ESCO2: variants seen among roughly 807,000 people sequenced by gnomAD.
The protein encoded by ESCO2 is N-acetyltransferase ESCO2.
Under a neutral mutation model 61.7 loss-of-function variants are expected in ESCO2, and 51 were observed. The observed-to-expected ratio is 0.83, with a 90% CI of 0.66 to 1.04. The LOEUF (loss-of-function observed/expected upper bound fraction) is 1.04, where lower values mean the gene tolerates loss of function less well. Ranked by LOEUF, ESCO2 falls within the 50% of genes least tolerant of loss-of-function variation. ESCO2 has a pLI of 0.00. For synonymous variants in ESCO2, 230 were observed against 238.2 expected, an observed-to-expected ratio of 0.97 and a Z score of 0.32; for missense variants, 692 against 686.2, an observed-to-expected ratio of 1.01 and a Z score of -0.09.
chr8:27,792,511 C>T (rs911933538), intron 8 of ESCO2, among the ~76,000 whole-genome samples, 157 bp from the exon 9 acceptor site: 6 of 152,078 alleles, frequency 3.9e-5, no homozygotes, highest in Non-Finnish European at 7.4e-5. Context: ...CAGCTACATG[C>T]ATCAATAGTG....
Position 27,799,719 on chromosome 8 carries a change from A to G in ESCO2, c.1673+3A>G, listed in dbSNP as rs1805383538. The G allele has an allele frequency of 6.2e-7, 1 of 1,613,970 alleles. No homozygotes were observed. The highest frequency in any genetic ancestry group is 1.7e-5 in the Admixed American group (1 of 59,974). On this transcript the variant is annotated splice_donor_region_variant and intron_variant, in intron 10 of 10. Transcript: ENST00000305188. ...AGACGACTGGTTGATACCCTCAGGT[A>G]AGAAATAAAATGGATCTAGATCCAG...
intron 7 of ESCO2, among the ~76,000 whole-genome samples, chr8:27,790,166 C>T (rs2128955464): frequency 6.6e-6 from 1 of 152,306 alleles, no homozygotes; most frequent in South Asian, 2.1e-4. Flanking sequence ...AAGCTCCTGC[C>T]GCTGGAATAA....
At chr8:27,772,746 T>C, upstream of ESCO2, 1 of 574,378 alleles carries the variant, frequency 1.7e-6, no homozygotes, top group Non-Finnish European at 3.1e-6. Context: ...TTTGGTTCAG[T>C]GATTTGTGGG....
chr8:27,790,309 C>G (rs987936978), intron 7 of ESCO2, among the ~76,000 whole-genome samples: 1 of 152,078 alleles, frequency 6.6e-6, no homozygotes, highest in Non-Finnish European at 1.5e-5. Context: ...CTCCCTGTCC[C>G]TTTTTTTAAG....
At chr8:27,782,709 A>AAT (rs893186433) in intron 4 of ESCO2, among the ~76,000 whole-genome samples, 15 of 149,446 alleles carry the variant, frequency 1.0e-4, no homozygotes, top group African/African-American at 2.0e-4. Context: ...ATAGTTAAAT[A>AAT]ATATATATAT....
At chr8:27,772,373 G>A (rs1804658388), upstream of ESCO2, 4 of 779,112 alleles carry the variant, frequency 5.1e-6, no homozygotes, top group Middle Eastern at 2.6e-4. Flanking sequence ...GGATGTGCTG[G>A]GGGACCGAGA....
chr8:27,786,836 G>T (rs952829004), intron 5 of ESCO2, among the ~76,000 whole-genome samples: 12 of 55,292 alleles, frequency 2.2e-4, no homozygotes, highest in South Asian at 5.8e-4. Flanking sequence ...CCTGTTGTTT[G>T]AACTTCTTAC....
chr8:27,779,941 A>G, intron 3 of ESCO2: 1 of 432,146 alleles, frequency 2.3e-6, no homozygotes, highest in Non-Finnish European at 4.3e-6. Flanking sequence ...CTGGCATTAC[A>G]GGCATGAGCC....
At chr8:27,802,572 C>T (rs1805455012) in intron 10 of ESCO2, among the ~76,000 whole-genome samples, 1 of 118,416 alleles carries the variant, frequency 8.4e-6, no homozygotes. Flanking sequence ...CGTGCCACTG[C>T]ACTCCAGCCT....
At chr8:27,809,247 T>C (rs1337637790), downstream of ESCO2, among the ~76,000 whole-genome samples, 1 of 152,188 alleles carries the variant, frequency 6.6e-6, no homozygotes, top group Non-Finnish European at 1.5e-5. Flanking sequence ...CCAATTTACT[T>C]GTCACATTAT....
At position 27,783,610 on chromosome 8, in the gene ESCO2, T is replaced by C. The variant is rs187091785; in HGVS notation, c.956-390T>C. Among the ~76,000 whole-genome samples, 321 of 152,040 alleles carry C rather than the reference T, an allele frequency of 2.1e-3. 2 individuals carry two copies. Among genetic ancestry groups the C allele is most frequent in the African/African-American group, 7.6e-3 (313 of 41,324 alleles). ...ATAGTTTTATGTTTTTCCTTTATTA[T>C]TAATTTTTTTACAGAGACACAGTCT... On this transcript the variant is annotated intron_variant, in intron 4 of 10. Transcript: ENST00000305188.
intron 8 of ESCO2, 46 bp from the exon 9 acceptor site, chr8:27,792,622 T>C (rs1309201976): frequency 2.5e-6 from 4 of 1,577,384 alleles, no homozygotes; most frequent in Non-Finnish European, 3.5e-6. Context: ...TAGTTTCTAT[T>C]GTACTTTTTA....
intron 7 of ESCO2, among the ~76,000 whole-genome samples, chr8:27,789,501 C>T (rs1296511099): frequency 6.6e-5 from 10 of 152,084 alleles, no homozygotes; most frequent in African/African-American, 7.2e-5. Context: ...AAGTCTAGGC[C>T]GGGTGCAGTG....
chr8:27,810,483 C>A, downstream of ESCO2: 1 of 1,601,454 alleles, frequency 6.2e-7, no homozygotes, highest in Non-Finnish European at 8.5e-7. Context: ...ATCAAAATCA[C>A]TTTCATCAAA....
At chr8:27,784,999 G>T (rs1180931656) in intron 5 of ESCO2, among the ~76,000 whole-genome samples, 1 of 152,174 alleles carries the variant, frequency 6.6e-6, no homozygotes, top group Non-Finnish European at 1.5e-5. Flanking sequence ...GATGGGAGCT[G>T]TCTTAGTTCA....
At chr8:27,788,682 G>C (rs184665837) in intron 6 of ESCO2, among the ~76,000 whole-genome samples, 165 bp from the exon 7 acceptor site, 105 of 152,192 alleles carry the variant, frequency 6.9e-4, no homozygotes, top group Non-Finnish European at 1.1e-3. Flanking sequence ...TTTTGTCTTG[G>C]GGGAGGGAAG....
upstream of ESCO2, chr8:27,772,592 A>C: frequency 2.0e-6 from 3 of 1,536,136 alleles, no homozygotes; most frequent in Non-Finnish European, 2.6e-6. Flanking sequence ...CGCTCAACTC[A>C]CGAAGCTCAG....
At chr8:27,814,075 C>T (rs1374294972), downstream of ESCO2, among the ~76,000 whole-genome samples, 1 of 152,156 alleles carries the variant, frequency 6.6e-6, no homozygotes, top group African/African-American at 2.4e-5. Flanking sequence ...ACCACAAAAA[C>T]AGACTGGGCA....
intron 9 of ESCO2, among the ~76,000 whole-genome samples, 198 bp downstream of exon 9, chr8:27,793,009 C>T (rs1459518188): frequency 6.6e-6 from 1 of 152,052 alleles, no homozygotes; most frequent in African/African-American, 2.4e-5. Flanking sequence ...ATAGGTAAGC[C>T]AGTCTTTTAT....
Sources: gnomAD v4.1 joint callset for allele counts (sites outside exome capture counted in the v4.1 genomes callset) on GRCh38, gnomAD v4.1.1 for gene constraint, MANE v1.5 for transcripts, NCBI Gene and HGNC (gene_info 2026-07-23, HGNC 2026-07-21) for gene names.